The following SCN3B variants were observed in gnomAD, a reference collection of about 807,000 sequenced individuals.
The protein encoded by SCN3B is sodium channel regulatory subunit beta-3.
In SCN3B, 11 loss-of-function variants were observed where a neutral mutation model predicts 25.4. The ratio of observed to expected loss-of-function variants is 0.43; its 90% CI spans 0.27 to 0.72. SCN3B has a LOEUF of 0.72. Among genes scored for constraint, SCN3B ranks in the 30% least tolerant of loss-of-function variants. The pLI is 0.18. For synonymous variants in SCN3B, 109 were observed against 110.7 expected (o/e 0.99, Z 0.09); for missense variants, 218 against 278.3 (o/e 0.78, Z 1.54).
intron 5 of SCN3B, among the ~76,000 whole-genome samples, chr11:123,634,875 T>C (rs1171961317): frequency 6.6e-6 from 1 of 152,258 alleles, no homozygotes; most frequent in East Asian, 1.9e-4. Context: ...CTTTTTCTCA[T>C]TGATTTTCCT....
chr11:123,639,807 T>C (rs1955766974), intron 4 of SCN3B: 1 of 152,234 alleles, frequency 6.6e-6, no homozygotes, highest in African/African-American at 2.4e-5. Flanking sequence ...TCTTAGAATA[T>C]TTAAAGTGCT....
intron 5 of SCN3B, among the ~76,000 whole-genome samples, chr11:123,636,251 T>G (rs2137233393): frequency 6.6e-6 from 1 of 152,364 alleles, no homozygotes; most frequent in East Asian, 1.9e-4. Flanking sequence ...TAGGTGATTT[T>G]TATATTTTGA....
At chr11:123,635,563 G>A (rs1318622023) in intron 5 of SCN3B, among the ~76,000 whole-genome samples, 6 of 151,984 alleles carry the variant, frequency 3.9e-5, no homozygotes, top group Admixed American at 3.3e-4. Flanking sequence ...GCAGGTGCCT[G>A]TAGTCCCAGC....
intron 5 of SCN3B, among the ~76,000 whole-genome samples, chr11:123,634,619 G>T (rs1955707020): frequency 6.6e-6 from 1 of 152,212 alleles, no homozygotes; most frequent in Non-Finnish European, 1.5e-5. Context: ...GCACGTGCCT[G>T]TAGTCCCAGC....
intron 5 of SCN3B, 21 bp downstream of exon 5, chr11:123,638,165 C>T: frequency 6.2e-7 from 1 of 1,613,884 alleles, no homozygotes; most frequent in Non-Finnish European, 8.5e-7. Context: ...TTCATTATTA[C>T]TTTGGCATCT....
At chr11:123,643,788 C>T (rs1211670299) in intron 3 of SCN3B, among the ~76,000 whole-genome samples, 1 of 152,242 alleles carries the variant, frequency 6.6e-6, no homozygotes, top group Non-Finnish European at 1.5e-5. Context: ...GCCCTGGGGG[C>T]CTTTGCATCT....
chr11:123,635,701 AAAC>A (rs1208018226), intron 5 of SCN3B, among the ~76,000 whole-genome samples: 1 of 151,960 alleles, frequency 6.6e-6, no homozygotes, highest in Admixed American at 6.6e-5. Context: ...AAAAAAAAGA[AAAC>A]AAAGGAAACC....
Position 123,634,112 on chromosome 11 carries a change from G to A in SCN3B, c.*22+9C>T, listed in dbSNP as rs775219575. On this transcript the variant is annotated intron_variant, in intron 6 of 6. Coordinates refer to ENST00000299333, the MANE Select transcript of SCN3B (RefSeq NM_001040151.2). The stretch of plus-strand genomic sequence containing the variant: ...ATCTGCCTTCCCCTCCCATGTTCCT[G>A]TAGGTCACCTCATGTCACACTGCTC... The A allele has an allele frequency of 6.2e-7, 1 of 1,606,130 alleles. No homozygotes were observed. Among genetic ancestry groups the A allele is most frequent in the Non-Finnish European group, 8.5e-7 (1 of 1,172,908 alleles).
In SCN3B at chr11:123,634,186, G is replaced by A. The variant is rs1474145053; in HGVS notation, c.605C>T (p.Pro202Leu). The A allele has an allele frequency of 6.2e-7, 1 of 1,613,700 alleles. No homozygotes were observed. The highest frequency in any genetic ancestry group is 1.1e-5 in the South Asian group (1 of 91,050). ...QENASDYLAI[P>L]SENKENSAVP... ...CGCAGAGTTCTCCTTGTTCTCAGAT[G>A]GGATGGCAAGGTAGTCAGACCTATA... The change falls in exon 6 of 7, where the codon CCA becomes CTA. Residue 202 changes from proline (P) to leucine (L), a missense_variant. By Grantham distance (98) the Pro-to-Leu change is moderately conservative. Transcript: ENST00000299333.
intron 4 of SCN3B, chr11:123,639,330 C>T (rs1357770847): frequency 1.3e-5 from 2 of 152,226 alleles, no homozygotes; most frequent in Admixed American, 6.5e-5. Context: ...GAAACCATCC[C>T]CAACTTCTCA....
At chr11:123,644,091 T>TA (rs1348030186) in intron 3 of SCN3B, among the ~76,000 whole-genome samples, 5 of 152,204 alleles carry the variant, frequency 3.3e-5, no homozygotes, top group African/African-American at 1.2e-4. Flanking sequence ...AGCAGTGCCG[T>TA]AAAAAGGGCC....
At chr11:123,644,089 C>G (rs752947952) in intron 3 of SCN3B, among the ~76,000 whole-genome samples, 1 of 152,168 alleles carries the variant, frequency 6.6e-6, no homozygotes, top group Non-Finnish European at 1.5e-5. Context: ...AAAGCAGTGC[C>G]GTAAAAAGGG....
chr11:123,645,771 C>G (rs777395210), intron 2 of SCN3B, 21 bp from the exon 3 acceptor site: 2 of 1,613,578 alleles, frequency 1.2e-6, no homozygotes, highest in African/African-American at 1.3e-5. Context: ...GACAGATGGA[C>G]AGGGAAGGAA....
rs1333115742 is a variant in SCN3B at position 123,645,714 on chromosome 11, G to T, written c.92C>A (p.Ser31Ter). Reference protein sequence around the residue: ...VCFPVCVEVPSETEAVQGNPM... With the variant: ...VCFPVCVEVP ...GTTGCCCTGCACGGCCTCCGTCTCC[G>T]AGGGCACTTCCACACACACAGGGAA... Residue 31 changes from serine (S) to a stop codon, truncating the protein, a stop_gained, in exon 3 of 7, where the codon TCG (serine) becomes TAG (stop). Coordinates refer to ENST00000299333, the MANE Select transcript of SCN3B (RefSeq NM_001040151.2). LOFTEE classifies it high-confidence loss of function. 1 of 1,614,128 alleles carries T rather than the reference G, an allele frequency of 6.2e-7. No homozygotes were observed.
intron 2 of SCN3B, among the ~76,000 whole-genome samples, chr11:123,648,579 A>G (rs1192589254): frequency 6.6e-6 from 1 of 151,994 alleles, no homozygotes; most frequent in Non-Finnish European, 1.5e-5. Context: ...AACATTAAAT[A>G]GTAAAAAGTG....
chr11:123,646,980 A>G (rs1442175416), intron 2 of SCN3B, among the ~76,000 whole-genome samples: 2 of 152,224 alleles, frequency 1.3e-5, no homozygotes, highest in Non-Finnish European at 2.9e-5. Flanking sequence ...CGAGTTGCTT[A>G]GCTTGGACAC....
intron 5 of SCN3B, among the ~76,000 whole-genome samples, chr11:123,637,165 C>T (rs1281168783): frequency 1.3e-5 from 2 of 152,160 alleles, no homozygotes; most frequent in Non-Finnish European, 2.9e-5. Context: ...CACCGTTTCT[C>T]AAATGTGCTC....
rs754065169 is a variant in SCN3B, at chr11:123,642,477, C to T, written c.414G>A (p.Thr138=). The T allele has an allele frequency of 8.1e-6, 13 of 1,613,998 alleles. No individual in the cohort carries two copies. Among genetic ancestry groups the T allele is most frequent in the African/African-American group, 1.3e-5 (1 of 74,906 alleles). ...CGGTGACTCTTAGGGGGATCAGCCGCGTCGTCTTCACAAAGGGCCGATGCG... is the reference window on the plus strand; with the variant it reads ...CGGTGACTCTTAGGGGGATCAGCCGTGTCGTCTTCACAAAGGGCCGATGCG... The part of the protein sequence containing the change: ...FEAHRPFVKT[T]RLIPLRVTEE... The change falls in exon 4 of 7, where the codon ACG becomes ACA. Residue 138 remains threonine (T), a synonymous_variant. Transcript: ENST00000299333. This position sits in a 1 kb window ranked among gnomAD's most constrained non-coding sequence, Gnocchi z 4.3.
At chr11:123,633,909 C>T (rs1049415295) in intron 6 of SCN3B, 133 bp from the exon 7 acceptor site, 26 of 508,302 alleles carry the variant, frequency 5.1e-5, no homozygotes, top group African/African-American at 2.3e-4. Context: ...CAGATTGCCT[C>T]GACACTCAGG....
Sources: gnomAD v4.1 joint callset for allele counts (sites outside exome capture counted in the v4.1 genomes callset) on GRCh38, gnomAD v4.1.1 for gene constraint, Gnocchi (gnomAD v3.1) non-coding constraint, MANE v1.5 for transcripts, NCBI Gene and HGNC (gene_info 2026-07-23, HGNC 2026-07-21) for gene names.